Variants in CRYBG1 observed in about 807,000 individuals in gnomAD.
CRYBG1 encodes the protein beta/gamma crystallin domain-containing protein 1.
Under a neutral mutation model 189.2 loss-of-function variants are expected in CRYBG1, and 139 were observed. The ratio of observed to expected loss-of-function variants is 0.73; its 90% CI spans 0.64 to 0.85. CRYBG1 has a LOEUF of 0.85. Among genes scored for constraint, CRYBG1 ranks in the 40% least tolerant of loss-of-function variants. The probability of loss-of-function intolerance (pLI) is 0.00; values close to 1 mark genes in which losing one functional copy is unlikely to be tolerated. For synonymous variants in CRYBG1, 1,023 were observed against 1,017.1 expected, an observed-to-expected ratio of 1.01 and a Z score of -0.11; for missense variants, 2,611 against 2,675.8, an observed-to-expected ratio of 0.98 and a Z score of 0.53.
intron 9 of CRYBG1, chr6:106,541,128 A>C (rs1034302135): frequency 2.6e-6 from 1 of 383,622 alleles, no homozygotes; most frequent in African/African-American, 2.1e-5. Flanking sequence ...GCAAATACAA[A>C]TGGCTGAGAG....
At chr6:106,500,436 A>AC (rs974988152) in intron 2 of CRYBG1, among the ~76,000 whole-genome samples, 18 of 151,800 alleles carry the variant, frequency 1.2e-4, no homozygotes, top group South Asian at 4.2e-4. Context: ...AAAAAAACAA[A>AC]AAAAAAAACC....
intron 2 of CRYBG1, among the ~76,000 whole-genome samples, chr6:106,472,354 A>T (rs1228503423): frequency 1.3e-5 from 2 of 152,174 alleles, no homozygotes; most frequent in Non-Finnish European, 2.9e-5. Flanking sequence ...GAACCTTGGG[A>T]AATGAGTTAT....
chr6:106,456,196 C>T lies in CRYBG1; in HGVS notation c.312+4364C>T, dbSNP rs188788734. Among the ~76,000 whole-genome samples, 14 of 152,322 alleles carry T rather than the reference C, an allele frequency of 9.2e-5. No homozygotes were observed. In the East Asian group the frequency reaches 2.7e-3, roughly 29 times the overall value. On this transcript the variant is annotated intron_variant, in intron 2 of 21. Transcript: ENST00000633556. ...TGAGACGGAGTCTCACTCTGTCGCC[C>T]AGGCTGGAGTGAAGTGGTGTGATCT...
chr6:106,423,602 G>T (rs993363902), intron 1 of CRYBG1, among the ~76,000 whole-genome samples: 11 of 150,776 alleles, frequency 7.3e-5, no homozygotes, highest in African/African-American at 2.7e-4. Flanking sequence ...AACTGTGGAG[G>T]TACTATTTTT....
Position 106,568,606 on chromosome 6 carries a change from C to A in CRYBG1, c.*40C>A. ...AGAATCTTCTGGAGGTCCTTCCAGCCACCTTATTTCTTAAAAAGGACAATG... is the reference window on the plus strand; with the variant it reads ...AGAATCTTCTGGAGGTCCTTCCAGCAACCTTATTTCTTAAAAAGGACAATG... On this transcript the variant is annotated 3_prime_UTR_variant, in exon 22 of 22. Transcript: ENST00000633556. The A allele has an allele frequency of 6.9e-7, 1 of 1,457,786 alleles. No individual in the cohort carries two copies. Among genetic ancestry groups the A allele is most frequent in the Non-Finnish European group, 9.6e-7 (1 of 1,041,568 alleles). 90.3% of individuals were successfully genotyped at this position (1,457,786 alleles called of 1,614,324 possible). A position where few individuals can be genotyped will look rare whatever the true frequency, so the allele number is the denominator to read the frequency against.
chr6:106,446,046 G>A (rs1211888274), intron 1 of CRYBG1, among the ~76,000 whole-genome samples: 1 of 151,972 alleles, frequency 6.6e-6, no homozygotes, highest in African/African-American at 2.4e-5. Context: ...CATGGTTTCT[G>A]AGGAACAATG....
intron 9 of CRYBG1, 22 bp from the exon 10 acceptor site, chr6:106,541,564 C>A: frequency 3.1e-6 from 5 of 1,608,892 alleles, no homozygotes; most frequent in Non-Finnish European, 3.4e-6. Flanking sequence ...AACTATTTTT[C>A]TTACTATGTT....
chr6:106,382,387 A>C (rs1770304043), intron 1 of CRYBG1, among the ~76,000 whole-genome samples: 1 of 152,174 alleles, frequency 6.6e-6, no homozygotes, highest in Non-Finnish European at 1.5e-5. Context: ...GAGATACAGA[A>C]ATTTTTATTA....
At chr6:106,456,127 C>G (rs373086778) in intron 2 of CRYBG1, among the ~76,000 whole-genome samples, 2 of 152,262 alleles carry the variant, frequency 1.3e-5, no homozygotes, top group East Asian at 3.9e-4. Flanking sequence ...CTCAGTGGTT[C>G]TAACCACTAT....
rs151293709 is a variant in CRYBG1 at position 106,559,931 on chromosome 6, T to C, written c.5856-872T>C. ...GCAACATGTTGAAACCCTGTCTCTA[T>C]TGAAAACACAAAAATTAGTCGGGTG... On this transcript the variant is annotated intron_variant, in intron 18 of 21. Transcript: ENST00000633556. Among the ~76,000 whole-genome samples the C allele has an allele frequency of 3.2e-3, 489 of 150,992 alleles. 5 individuals carry two copies. The highest frequency in any genetic ancestry group is 0.011 in the African/African-American group (453 of 41,052).
intron 2 of CRYBG1, among the ~76,000 whole-genome samples, chr6:106,462,265 G>C (rs1432991854): frequency 2.0e-5 from 3 of 152,118 alleles, no homozygotes; most frequent in Non-Finnish European, 4.4e-5. Flanking sequence ...CCGCCTCCCG[G>C]GTTCACGCCA....
chr6:106,360,856 G>C lies in CRYBG1; in HGVS notation c.-53G>C. The C allele has an allele frequency of 1.3e-6, 2 of 1,486,832 alleles. No homozygotes were observed. Among genetic ancestry groups the C allele is most frequent in the Non-Finnish European group, 1.8e-6 (2 of 1,122,720 alleles). The allele number at this position is 1,486,832 out of a possible 1,614,324, so 92.1% of individuals were successfully genotyped here. On this transcript the variant is annotated 5_prime_UTR_variant, in exon 1 of 22. Transcript: ENST00000633556. ...TCAGGTGTGTTCTTCCATAGGGCCCGGGCGGCAGAGAGGACCGCGTCCCGG... is the reference window on the plus strand; with the variant it reads ...TCAGGTGTGTTCTTCCATAGGGCCCCGGCGGCAGAGAGGACCGCGTCCCGG...
At chr6:106,499,448 C>T in intron 2 of CRYBG1, among the ~76,000 whole-genome samples, 1 of 151,338 alleles carries the variant, frequency 6.6e-6, no homozygotes, top group Non-Finnish European at 1.5e-5. Flanking sequence ...GAGTGAGCCA[C>T]CGCACCCAGC....
chr6:106,489,805 AAAG>A (rs1175110375), intron 2 of CRYBG1, among the ~76,000 whole-genome samples: 1 of 149,910 alleles, frequency 6.7e-6, no homozygotes, highest in Non-Finnish European at 1.5e-5. Flanking sequence ...AAAAAAAAAA[AAAG>A]AAAGAAAATG....
intron 1 of CRYBG1, among the ~76,000 whole-genome samples, chr6:106,425,915 G>C (rs1433155848): frequency 1.3e-5 from 2 of 152,144 alleles, no homozygotes. Flanking sequence ...TGGGATTACA[G>C]GTGTGAGCCA....
intron 1 of CRYBG1, among the ~76,000 whole-genome samples, chr6:106,372,896 A>G (rs1352760069): frequency 6.6e-6 from 1 of 152,230 alleles, no homozygotes; most frequent in African/African-American, 2.4e-5. Flanking sequence ...GAAGTATTTT[A>G]GCTAATAAAT....
At chr6:106,460,359 C>A (rs1053130839) in intron 2 of CRYBG1, among the ~76,000 whole-genome samples, 1 of 152,162 alleles carries the variant, frequency 6.6e-6, no homozygotes, top group Non-Finnish European at 1.5e-5. Flanking sequence ...CTTTCATATT[C>A]TTTGCTCATT....
intron 2 of CRYBG1, among the ~76,000 whole-genome samples, chr6:106,496,093 C>T (rs1772844762): frequency 6.6e-6 from 1 of 152,166 alleles, no homozygotes; most frequent in Non-Finnish European, 1.5e-5. Flanking sequence ...ATTGCACATA[C>T]TTTCCCCAAA....
rs748476178 is a variant in CRYBG1 at position 106,521,213 on chromosome 6, A to G, written c.4005A>G (p.Gln1335=). Residue 1335 remains glutamine, a synonymous_variant, in exon 4 of 22, where the codon CAA becomes CAG. Coordinates refer to ENST00000633556, the MANE Select transcript of CRYBG1 (RefSeq NM_001371242.2). ...CAAGCCACATGGAAAAATACCCGCA[A>G]AAAGAGAAAACCAAAGAAGATCTGG... ...KSPSHMEKYP[Q]KEKTKEDLDS... The G allele has an allele frequency of 5.6e-6, 9 of 1,614,060 alleles. No homozygotes were observed. The highest frequency in any genetic ancestry group is 1.1e-5 in the South Asian group (1 of 91,086).
Sources: gnomAD v4.1 joint callset for allele counts (sites outside exome capture counted in the v4.1 genomes callset) on GRCh38, gnomAD v4.1.1 for gene constraint, MANE v1.5 for transcripts, NCBI Gene and HGNC (gene_info 2026-07-23, HGNC 2026-07-21) for gene names.